Variants in CAPS2 observed in about 807,000 individuals in gnomAD.
CAPS2 encodes calcyphosine 2, also known as calcyphosin-2.
In CAPS2, 98 loss-of-function variants were observed where a neutral mutation model predicts 86.5. That is an observed-to-expected ratio of 1.13 (90% CI 0.96 to 1.34). The LOEUF is 1.34. Ranked by LOEUF, CAPS2 falls within the 40% of genes most tolerant of loss-of-function variation. The pLI is 0.00. For synonymous variants in CAPS2, 210 were observed against 225.1 expected, an observed-to-expected ratio of 0.93 and a Z score of 0.60; for missense variants, 729 against 686.8, an observed-to-expected ratio of 1.06 and a Z score of -0.69.
intron 11 of CAPS2, among the ~76,000 whole-genome samples, chr12:75,297,761 T>G (rs987461635): frequency 1.3e-5 from 2 of 152,194 alleles, no homozygotes; most frequent in African/African-American, 4.8e-5. Flanking sequence ...TACTTCCAGT[T>G]CTCCAAATAA....
intron 15 of CAPS2, among the ~76,000 whole-genome samples, chr12:75,284,254 G>C (rs557934782): frequency 6.6e-6 from 1 of 152,092 alleles, no homozygotes; most frequent in Non-Finnish European, 1.5e-5. Flanking sequence ...TAAAAGTAGA[G>C]ACTAATTTCT....
rs2042620117 is a variant in CAPS2, at chr12:75,348,858, A to G, written c.-394-25636T>C. Among the ~76,000 whole-genome samples the G allele has an allele frequency of 4.6e-5, 7 of 152,204 alleles. No individual in the cohort carries two copies. In the South Asian group the frequency reaches 1.4e-3, roughly 31 times the overall value. ...AAAGACACTGGCTATAATACAACAA[A>G]GGGCCGTGATCTCTGAAAAATAACA... On this transcript the variant is annotated intron_variant, in intron 1 of 5. Coordinates refer to the CAPS2 transcript ENST00000551829.
intron 1 of CAPS2, among the ~76,000 whole-genome samples, chr12:75,389,078 T>C (rs1309883959): frequency 6.6e-6 from 1 of 152,246 alleles, no homozygotes. Context: ...TTTTTCTCAG[T>C]TGTTTTTCCA....
intron 1 of CAPS2, among the ~76,000 whole-genome samples, chr12:75,359,131 C>T (rs1376777565): frequency 6.7e-6 from 1 of 149,790 alleles, no homozygotes; most frequent in African/African-American, 2.4e-5. Flanking sequence ...AATTAGTATA[C>T]AAAAATTAAT....
rs758536764 is a variant in CAPS2, at chr12:75,343,884, A to G, written c.-394-20662T>C. The G allele has an allele frequency of 8.1e-6, 13 of 1,612,094 alleles. No homozygotes were observed. In the South Asian group the frequency reaches 9.9e-5, roughly 12 times the overall value. On this transcript the variant is annotated intron_variant, in intron 1 of 5. Transcript: ENST00000551829. ...TTACGGCTTGGTATAATGAAACCCA[A>G]TTTTATGATTTTGATAGTCTATCAT...
At chr12:75,334,872 C>T, upstream of CAPS2, 1 of 1,614,110 alleles carries the variant, frequency 6.2e-7, no homozygotes, top group Non-Finnish European at 8.5e-7. Flanking sequence ...GTGGCAAAGT[C>T]AACCCTCCCG....
chr12:75,331,602 C>T (rs1164454190), upstream of CAPS2, among the ~76,000 whole-genome samples: 7 of 150,876 alleles, frequency 4.6e-5, no homozygotes, highest in African/African-American at 1.7e-4. Context: ...CTCGCTCTGT[C>T]GCCCAGGCTG....
chr12:75,325,394 T>C (rs1593551081), intron 1 of CAPS2, 106 bp from the exon 3 acceptor site: 1 of 921,762 alleles, frequency 1.1e-6, no homozygotes, highest in Non-Finnish European at 1.6e-6. Context: ...TTATAATTTT[T>C]CTCAGTAAAT....
intron 1 of CAPS2, among the ~76,000 whole-genome samples, chr12:75,353,561 G>C (rs186327504): frequency 5.5e-4 from 83 of 152,214 alleles, no homozygotes; most frequent in Non-Finnish European, 1.0e-3. Flanking sequence ...AATTCTACCA[G>C]AAGAACAAAG....
chr12:75,343,667 CA>C (rs1366183571), intron 1 of CAPS2: 1 of 1,540,400 alleles, frequency 6.5e-7, no homozygotes, highest in South Asian at 1.2e-5. Context: ...ATGCACAATT[CA>C]ATTTAAATTA....
At chr12:75,390,810 A>G (rs1279919527) in intron 1 of CAPS2, 1 of 576,622 alleles carries the variant, frequency 1.7e-6, no homozygotes, top group Admixed American at 2.2e-5. Flanking sequence ...ATTTCACTAC[A>G]TTAGTTTAGT....
intron 6 of CAPS2, among the ~76,000 whole-genome samples, chr12:75,315,173 A>G (rs1204983754): frequency 6.6e-6 from 1 of 152,236 alleles, no homozygotes; most frequent in Non-Finnish European, 1.5e-5. Flanking sequence ...ATTGCTCCTA[A>G]TAATGTAGTT....
At chr12:75,316,243 GTCTTTAAAA>G in intron 6 of CAPS2, 60 bp downstream of exon 6, 1 of 1,522,794 alleles carries the variant, frequency 6.6e-7, no homozygotes, top group Non-Finnish European at 8.9e-7. Context: ...ATTCCATTCA[GTCTTTAAAA>G]TCTTAGAAAG....
chr12:75,307,097 C>T (rs2038593971), intron 7 of CAPS2, among the ~76,000 whole-genome samples: 1 of 152,176 alleles, frequency 6.6e-6, no homozygotes, highest in Non-Finnish European at 1.5e-5. Flanking sequence ...TGCAACTAGA[C>T]TGCCTGGATT....
intron 5 of CAPS2, among the ~76,000 whole-genome samples, chr12:75,320,732 A>T (rs1395252153): frequency 6.6e-6 from 1 of 152,022 alleles, no homozygotes; most frequent in East Asian, 1.9e-4. Context: ...TAAAAATTCT[A>T]TTAAAATTAA....
intron 1 of CAPS2, chr12:75,360,364 T>C (rs754487146): frequency 2.4e-4 from 36 of 152,310 alleles, no homozygotes; most frequent in Admixed American, 9.8e-4. Flanking sequence ...AAGTCCCTTC[T>C]GCCTATAAGC....
At chr12:75,281,600 G>C (rs577556975) in intron 16 of CAPS2, among the ~76,000 whole-genome samples, 7 of 151,944 alleles carry the variant, frequency 4.6e-5, no homozygotes, top group Admixed American at 1.3e-4. Flanking sequence ...AAAATTCATA[G>C]AGTAAGTAAA....
intron 5 of CAPS2, among the ~76,000 whole-genome samples, chr12:75,319,294 G>A (rs1015826539): frequency 6.6e-6 from 1 of 152,094 alleles, no homozygotes; most frequent in Non-Finnish European, 1.5e-5. Context: ...TTGGGTCATG[G>A]AGGTCGATCT....
At chr12:75,367,804 A>G (rs2044084577) in intron 1 of CAPS2, among the ~76,000 whole-genome samples, 1 of 152,102 alleles carries the variant, frequency 6.6e-6, no homozygotes, top group Non-Finnish European at 1.5e-5. Context: ...ACAAATATTA[A>G]CAGATAGTTC....
Sources: allele counts gnomAD v4.1 joint callset (sites outside exome capture counted in the v4.1 genomes callset), GRCh38; gene constraint gnomAD v4.1.1; transcripts MANE v1.5; gene names NCBI Gene and HGNC (gene_info 2026-07-23, HGNC 2026-07-21).